The following CCM2L variants were observed in gnomAD, a reference collection of about 807,000 sequenced individuals.
CCM2L encodes CCM2 like scaffold protein.
A neutral mutation model predicts 54.1 loss-of-function variants in CCM2L; 36 were observed. The observed-to-expected ratio is 0.67, with a 90% CI of 0.51 to 0.88. The LOEUF is 0.88. Among genes scored for constraint, CCM2L ranks in the 40% least tolerant of loss-of-function variants. CCM2L has a pLI of 0.00. For synonymous variants in CCM2L, 351 were observed against 359.3 expected, an observed-to-expected ratio of 0.98 and a Z score of 0.26; for missense variants, 700 against 812.1, an observed-to-expected ratio of 0.86 and a Z score of 1.68.
intron 1 of CCM2L, among the ~76,000 whole-genome samples, 184 bp downstream of exon 1, chr20:32,010,668 T>G (rs1466325752): frequency 1.3e-5 from 2 of 152,184 alleles, no homozygotes; most frequent in South Asian, 2.1e-4. Context: ...TCCCTGTTTC[T>G]CCACTCTCAG....
chr20:32,030,029 A>C (rs111526123), intron 9 of CCM2L, among the ~76,000 whole-genome samples, 191 bp downstream of exon 9: 276 of 152,282 alleles, frequency 1.8e-3, no homozygotes, highest in African/African-American at 6.5e-3. Context: ...GAGCTGGGAG[A>C]CACTGTTGAT....
chr20:32,016,387 C>T (rs6121309), intron 2 of CCM2L, among the ~76,000 whole-genome samples: 2 of 152,044 alleles, frequency 1.3e-5, no homozygotes, highest in African/African-American at 4.8e-5. Context: ...TGGCTCACAC[C>T]TGTAATCCCA....
At chr20:32,011,603 AATAAATAC>A (rs1180224723) in intron 1 of CCM2L, among the ~76,000 whole-genome samples, 3 of 152,022 alleles carry the variant, frequency 2.0e-5, no homozygotes, top group African/African-American at 7.3e-5. Flanking sequence ...AAAATAAATA[AATAAATAC>A]ATAAATAAAA....
At position 32,029,108 on chromosome 20, in the gene CCM2L, A is replaced by C. The variant is rs747359711; in HGVS notation, c.1247A>C (p.Gln416Pro). ...DHSSLGLEQL[Q>P]DYMVTLRSKL... ...AGCAGTCTGGGCTTGGAGCAGTTAC[A>C]GGATTACATGGTCACGGTGAGCTGG... Residue 416 changes from glutamine (Q) to proline (P), a missense_variant, in exon 8 of 10, where the codon CAG becomes CCG. Physicochemically the swap from Gln to Pro is moderately conservative, Grantham distance 76 (BLOSUM62 -1). Coordinates refer to ENST00000452892, the MANE Select transcript of CCM2L (RefSeq NM_001365692.1). The C allele has an allele frequency of 1.2e-6, 2 of 1,614,202 alleles. No homozygotes were observed. Among genetic ancestry groups the C allele is most frequent in the South Asian group, 2.2e-5 (2 of 91,086 alleles).
At chr20:32,013,012 G>A (rs1412280397) in intron 1 of CCM2L, among the ~76,000 whole-genome samples, 1 of 152,038 alleles carries the variant, frequency 6.6e-6, no homozygotes, top group Non-Finnish European at 1.5e-5. Context: ...TTAATGGACC[G>A]AGCTCATTAA....
Position 32,031,420 on chromosome 20 carries a change from G to A in CCM2L, c.*106G>A, listed in dbSNP as rs948765995. ...CCCCCATCACACCTGGCGGGGCCGG[G>A]GGGTCTTCACTCCAGGGTCTCGCTC... On this transcript the variant is annotated 3_prime_UTR_variant, in exon 10 of 10. Transcript: ENST00000452892. 96 of 992,260 alleles carry A rather than the reference G, an allele frequency of 9.7e-5. No homozygotes were observed. Among genetic ancestry groups the A allele is most frequent in the East Asian group, 3.1e-4 (5 of 16,090 alleles). The allele number at this position is 992,260 out of a possible 1,614,324, so 61.5% of individuals were successfully genotyped here.
chr20:32,015,184 T>A (rs1299105823), intron 2 of CCM2L, 113 bp downstream of exon 2: 6 of 1,120,508 alleles, frequency 5.4e-6, no homozygotes, highest in Admixed American at 6.2e-5. Flanking sequence ...TGTGGCTCAT[T>A]GGAAAGAGGC....
intron 5 of CCM2L, among the ~76,000 whole-genome samples, chr20:32,020,303 G>C (rs1479030606): frequency 1.3e-5 from 2 of 152,176 alleles, no homozygotes; most frequent in Non-Finnish European, 2.9e-5. Context: ...CACCACAGCT[G>C]TCTCTCTCCC....
chr20:32,030,691 A>C (rs541336798), intron 9 of CCM2L, among the ~76,000 whole-genome samples: 8 of 151,614 alleles, frequency 5.3e-5, no homozygotes, highest in Non-Finnish European at 1.0e-4. Context: ...AAAAATTAGC[A>C]GGGCGTGGTG....
In CCM2L at chr20:32,018,042, CGCTGCCTGCT is replaced by C. The variant is rs1428958966; in HGVS notation, c.350_359del (p.Cys117SerfsTer32). The stretch of plus-strand genomic sequence containing the variant: ...GGACAGCATCCTGAGCCTGTCTGCC[CGCTGCCTGCT>C]GCTCACCTGGCGCGACAATGAAGAG... On this transcript the variant is annotated frameshift_variant, in exon 4 of 10. Coordinates refer to ENST00000452892, the MANE Select transcript of CCM2L (RefSeq NM_001365692.1). LOFTEE classifies it high-confidence loss of function. 2.5e-6 allele frequency: 4 copies of C among 1,613,824 alleles called. No homozygotes were observed. The highest frequency in any genetic ancestry group is 3.4e-6 in the Non-Finnish European group (4 of 1,179,996).
intron 1 of CCM2L, among the ~76,000 whole-genome samples, chr20:32,012,379 A>G (rs1261343158): frequency 2.0e-5 from 3 of 152,130 alleles, no homozygotes; most frequent in Non-Finnish European, 4.4e-5. Context: ...GCAACATAGT[A>G]AGACCCCATC....
intron 2 of CCM2L, among the ~76,000 whole-genome samples, chr20:32,015,943 G>A (rs1271317218): frequency 1.4e-5 from 2 of 146,694 alleles, no homozygotes; most frequent in East Asian, 2.0e-4. Flanking sequence ...TGTAACCTCC[G>A]CCTCCCGGGC....
intron 2 of CCM2L, among the ~76,000 whole-genome samples, chr20:32,016,198 CT>C (rs1279010940): frequency 2.0e-5 from 3 of 151,898 alleles, no homozygotes; most frequent in Non-Finnish European, 4.4e-5. Flanking sequence ...TTCATTTAGC[CT>C]AAAAAGATTG....
intron 1 of CCM2L, among the ~76,000 whole-genome samples, chr20:32,012,993 A>T (rs930549785): frequency 3.0e-4 from 45 of 152,098 alleles, no homozygotes; most frequent in African/African-American, 1.0e-3. Flanking sequence ...AAGAAGGCTT[A>T]AAAAAATCTT....
intron 5 of CCM2L, among the ~76,000 whole-genome samples, chr20:32,021,068 C>T (rs2064802403): frequency 6.6e-6 from 1 of 152,108 alleles, no homozygotes; most frequent in Admixed American, 6.5e-5. Flanking sequence ...ATCATGTGGT[C>T]ATCCTCTGAC....
intron 9 of CCM2L, among the ~76,000 whole-genome samples, chr20:32,030,416 G>A (rs1259726745): frequency 1.3e-5 from 2 of 152,194 alleles, no homozygotes; most frequent in Non-Finnish European, 2.9e-5. Context: ...TGCTCAGTAT[G>A]TGCTGAGTAC....
chr20:32,028,861 A>C, intron 7 of CCM2L, 134 bp from the exon 8 acceptor site: 1 of 1,105,164 alleles, frequency 9.0e-7, no homozygotes, highest in Non-Finnish European at 1.3e-6. Flanking sequence ...GAGACTTGAG[A>C]GGTGCCAGGG....
intron 1 of CCM2L, among the ~76,000 whole-genome samples, chr20:32,014,513 G>T (rs2064721847): frequency 6.6e-6 from 1 of 152,022 alleles, no homozygotes; most frequent in African/African-American, 2.4e-5. Flanking sequence ...TGATCCACCC[G>T]CCTTGGCCTC....
intron 2 of CCM2L, among the ~76,000 whole-genome samples, chr20:32,016,809 T>C (rs1358197938): frequency 6.6e-6 from 1 of 151,904 alleles, no homozygotes; most frequent in Non-Finnish European, 1.5e-5. Flanking sequence ...GAAGAGAAAA[T>C]GTTTGATTGG....
Sources: gnomAD v4.1 joint callset for allele counts (sites outside exome capture counted in the v4.1 genomes callset) on GRCh38, gnomAD v4.1.1 for gene constraint, MANE v1.5 for transcripts, NCBI Gene and HGNC (gene_info 2026-07-23, HGNC 2026-07-21) for gene names.